GRM4: variants seen among roughly 807,000 people sequenced by gnomAD.
The protein encoded by GRM4 is metabotropic glutamate receptor 4.
A neutral mutation model predicts 81.7 loss-of-function variants in GRM4; 28 were observed. That is an observed-to-expected ratio of 0.34 (90% confidence interval 0.25 to 0.47). GRM4 has a LOEUF of 0.47. GRM4 is among the 20% of genes least tolerant of loss of function. The pLI is 1.00. For missense variants in GRM4, 948 were observed against 1,290.0 expected (o/e 0.73, Z 4.06); for synonymous variants, 488 against 528.8 (o/e 0.92, Z 1.06).
rs1447479848 is a variant in GRM4, at chr6:34,115,353, G to C, written c.519+17625C>G. Reference sequence around the variant, plus strand: ...TATTCCCTACATTGTTAGCGCAGTAGAGAGAGCAACCGTGTCTCCAGGCTT... The same window carrying C: ...TATTCCCTACATTGTTAGCGCAGTACAGAGAGCAACCGTGTCTCCAGGCTT... On this transcript the variant is annotated intron_variant, in intron 2 of 10. Transcript: ENST00000538487. The surrounding 1 kb of genome is among the most constrained non-coding windows in gnomAD (Gnocchi z 4.1). 2.6e-5 allele frequency among the ~76,000 whole-genome samples: 4 copies of C among 152,240 alleles called. No individual in the cohort carries two copies. The highest frequency in any genetic ancestry group is 5.9e-5 in the Non-Finnish European group (4 of 68,036).
intron 7 of GRM4, 101 bp downstream of exon 7, chr6:34,040,447 G>A: frequency 7.0e-7 from 1 of 1,418,554 alleles, no homozygotes. Context: ...GGAAACATCA[G>A]GAGAGGCCTC....
chr6:34,096,095 C>T (rs1768504756), intron 2 of GRM4, among the ~76,000 whole-genome samples: 1 of 152,202 alleles, frequency 6.6e-6, no homozygotes, highest in African/African-American at 2.4e-5. Context: ...CCTCTGCCTC[C>T]TTTGCTTCCC....
intron 1 of GRM4, among the ~76,000 whole-genome samples, chr6:34,154,761 C>G (rs1471207540): frequency 6.6e-6 from 1 of 151,734 alleles, no homozygotes; most frequent in Non-Finnish European, 1.5e-5. Context: ...TGCCACTGCC[C>G]CGGGCAGGCC....
rs931790991 is a variant in GRM4 at position 34,139,985 on chromosome 6, A to G, written c.-364+6015T>C. Among the ~76,000 whole-genome samples the G allele has an allele frequency of 3.3e-5, 5 of 152,354 alleles. No homozygotes were observed. In the South Asian group the frequency reaches 1.0e-3, roughly 32 times the overall value. ...CCTGCCCTCTGGAGCCCACGTCCCA[A>G]AGCGGGTGGGCACAGGACGAACAAC... On this transcript the variant is annotated intron_variant, in intron 1 of 10. Coordinates refer to ENST00000538487, the MANE Select transcript of GRM4 (RefSeq NM_000841.4).
chr6:34,086,275 C>T (rs1171955731), intron 3 of GRM4, among the ~76,000 whole-genome samples: 1 of 152,230 alleles, frequency 6.6e-6, no homozygotes, highest in Non-Finnish European at 1.5e-5. Flanking sequence ...ACTGTCTCCT[C>T]AGCGGGCTGC....
At chr6:34,095,373 G>A (rs1768465089) in intron 2 of GRM4, among the ~76,000 whole-genome samples, 1 of 152,150 alleles carries the variant, frequency 6.6e-6, no homozygotes, top group Admixed American at 6.5e-5. Flanking sequence ...TAGGGAGACA[G>A]TTTCAAGCAG....
intron 6 of GRM4, among the ~76,000 whole-genome samples, chr6:34,049,674 C>T (rs1374448557): frequency 4.6e-5 from 7 of 152,234 alleles, no homozygotes; most frequent in East Asian, 1.9e-4. Flanking sequence ...CATCGTAGTG[C>T]GTGGCCATTT....
intron 9 of GRM4, among the ~76,000 whole-genome samples, chr6:34,029,102 C>G (rs923814340): frequency 9.9e-5 from 15 of 152,226 alleles, no homozygotes; most frequent in African/African-American, 3.1e-4. Flanking sequence ...CTGTCCCCGT[C>G]TGGGATTCCC....
intron 1 of GRM4, among the ~76,000 whole-genome samples, chr6:34,154,291 C>CCCCAG (rs980499313): frequency 2.0e-5 from 3 of 152,318 alleles, no homozygotes; most frequent in Non-Finnish European, 2.9e-5. Flanking sequence ...TGCTCCCCGA[C>CCCCAG]CCCAGCCCAG....
At position 34,035,065 on chromosome 6, in the gene GRM4, G is replaced by C. The variant is rs902196; in HGVS notation, c.2442+603C>G. ...GGCAGCTTGGGGCTGGGGAGAGAAG[G>C]GGGGTCCCATGGGGATCTTGTGAGG... On this transcript the variant is annotated intron_variant, in intron 9 of 10. Transcript: ENST00000538487. The surrounding 1 kb of genome is among the most constrained non-coding windows in gnomAD (Gnocchi z 6.6). Among the ~76,000 whole-genome samples, 20,033 of 152,126 alleles carry C rather than the reference G, an allele frequency of 0.13. 2,704 individuals carry two copies. The highest frequency in any genetic ancestry group is 0.35 in the African/African-American group (14,448 of 41,418).
upstream of GRM4, among the ~76,000 whole-genome samples, chr6:34,148,338 G>A (rs140364752): frequency 6.6e-3 from 1,000 of 152,048 alleles, 7 homozygotes; most frequent in African/African-American, 0.023. Context: ...TGGCTGACTT[G>A]ACTTGCCATG....
rs926891547 is a variant in GRM4 at position 34,041,116 on chromosome 6, GGGATAATCTTGAGA to G, written c.1169-382_1169-369del. Among the ~76,000 whole-genome samples the G allele has an allele frequency of 4.3e-4, 65 of 152,302 alleles. 2 individuals are homozygous for G. Among genetic ancestry groups the G allele is most frequent in the African/African-American group, 1.6e-3 (65 of 41,574 alleles). ...TGTTGCCTTCCCCCAAGCCTGGCCT[GGGATAATCTTGAGA>G]GCAGCTGCCCCTCTCGAAGTCTGGG... On this transcript the variant is annotated intron_variant, in intron 6 of 10. Transcript: ENST00000538487.
chr6:34,102,221 T>G, intron 2 of GRM4: 1 of 1,405,568 alleles, frequency 7.1e-7, no homozygotes, highest in African/African-American at 1.4e-5. Flanking sequence ...CCAGCCTTCC[T>G]TTGGGAGCCC....
At chr6:34,100,589 G>A (rs1299703202) in intron 2 of GRM4, among the ~76,000 whole-genome samples, 2 of 152,224 alleles carry the variant, frequency 1.3e-5, no homozygotes, top group Non-Finnish European at 2.9e-5. Flanking sequence ...GGTTTACTGA[G>A]CACCCACTGA....
rs397887958 is a variant in GRM4, at chr6:34,070,793, CA to C, written c.737-8766del. On this transcript the variant is annotated intron_variant, in intron 3 of 10. Coordinates refer to ENST00000538487, the MANE Select transcript of GRM4 (RefSeq NM_000841.4). This position sits in a 1 kb window ranked among gnomAD's most constrained non-coding sequence, Gnocchi z 4.6. ...ACCACACCCCCGCCACACCCCCAGC[CA>C]CACACACACACACACACACACACAC... is the stretch of plus-strand genomic sequence containing the variant. 5.9e-4 allele frequency among the ~76,000 whole-genome samples: 8 copies of C among 13,494 alleles called. No individual in the cohort carries two copies. In the East Asian group the frequency reaches 0.023, roughly 39 times the overall value. The allele number at this position is 13,494 out of a possible 152,430, so 8.9% of individuals were successfully genotyped here. A position where few individuals can be genotyped will look rare whatever the true frequency, so the allele number is the denominator to read the frequency against.
intron 2 of GRM4, among the ~76,000 whole-genome samples, chr6:34,131,038 G>A (rs1399097698): frequency 6.6e-6 from 1 of 152,206 alleles, no homozygotes; most frequent in Non-Finnish European, 1.5e-5. Context: ...CAGGAGGGCT[G>A]AAGTGATGAC....
intron 2 of GRM4, among the ~76,000 whole-genome samples, chr6:34,107,655 C>T (rs1290384199): frequency 1.3e-5 from 2 of 152,118 alleles, no homozygotes; most frequent in Non-Finnish European, 2.9e-5. Flanking sequence ...ACATCCCAGA[C>T]AGAAGAGGCA....
intron 2 of GRM4, among the ~76,000 whole-genome samples, chr6:34,107,070 C>A (rs562956492): frequency 3.8e-4 from 58 of 152,342 alleles, no homozygotes; most frequent in Non-Finnish European, 7.5e-4. Flanking sequence ...GCCTCCATGG[C>A]CCTAGGGTAG....
Position 34,042,556 on chromosome 6 carries a change from C to T in GRM4, c.1169-1808G>A, listed in dbSNP as rs971448896. Reference sequence around the variant, plus strand: ...ATGGCCTTCTTCCTCAAGGACAGGACGAGGAAATTACTCCTCCTATCATTC... The same window carrying T: ...ATGGCCTTCTTCCTCAAGGACAGGATGAGGAAATTACTCCTCCTATCATTC... On this transcript the variant is annotated intron_variant, in intron 6 of 10. Coordinates refer to ENST00000538487, the MANE Select transcript of GRM4 (RefSeq NM_000841.4). This position sits in a 1 kb window ranked among gnomAD's most constrained non-coding sequence, Gnocchi z 4.2. 2.6e-5 allele frequency among the ~76,000 whole-genome samples: 4 copies of T among 152,170 alleles called. No homozygotes were observed. The highest frequency in any genetic ancestry group is 5.9e-5 in the Non-Finnish European group (4 of 68,024).
Sources: gnomAD v4.1 joint callset for allele counts (sites outside exome capture counted in the v4.1 genomes callset) on GRCh38, gnomAD v4.1.1 for gene constraint, Gnocchi (gnomAD v3.1) non-coding constraint, MANE v1.5 for transcripts, NCBI Gene and HGNC (gene_info 2026-07-23, HGNC 2026-07-21) for gene names.